The following FOXA3 variants were observed in gnomAD, a reference collection of about 807,000 sequenced individuals.
FOXA3 encodes the protein forkhead box A3.
Under a neutral mutation model 16.9 loss-of-function variants are expected in FOXA3, and 11 were observed. The observed-to-expected ratio is 0.65, with a 90% CI of 0.41 to 1.08. The LOEUF (loss-of-function observed/expected upper bound fraction) is 1.08, where lower values mean the gene tolerates loss of function less well. FOXA3 is among the 50% of genes least tolerant of loss of function. FOXA3 has a pLI of 0.00. For synonymous variants in FOXA3, 217 were observed against 203.3 expected (o/e 1.07, Z -0.57); for missense variants, 423 against 470.1 (o/e 0.90, Z 0.93).
intron 1 of FOXA3, among the ~76,000 whole-genome samples, chr19:45,866,081 C>A (rs1272744021): frequency 6.6e-6 from 1 of 151,884 alleles, no homozygotes; most frequent in African/African-American, 2.4e-5. Context: ...CTGAATAGAT[C>A]CAAGTTTAGG....
chr19:45,865,528 G>A (rs1321348715), intron 1 of FOXA3, among the ~76,000 whole-genome samples: 1 of 152,124 alleles, frequency 6.6e-6, no homozygotes, highest in East Asian at 1.9e-4. Flanking sequence ...CTTGGTCTGA[G>A]AATTATGGGG....
At chr19:45,867,508 G>A (rs933991108) in intron 1 of FOXA3, among the ~76,000 whole-genome samples, 10 of 151,936 alleles carry the variant, frequency 6.6e-5, no homozygotes, top group African/African-American at 2.4e-4. Flanking sequence ...GGCTCGTCAT[G>A]GTAGCTCATG....
rs755274644 is a variant in FOXA3, at chr19:45,872,945, A to C, written c.940A>C (p.Thr314Pro). Reference protein sequence around the residue: ...FSINNLMSEQTPAPPKLDVGF... With the variant: ...FSINNLMSEQPPAPPKLDVGF... ...CATCAACAACCTAATGTCAGAACAG[A>C]CACCAGCACCTCCCAAACTGGACGT... The change falls in exon 2 of 2, where the codon ACA (threonine) becomes CCA (proline). Residue 314 changes from threonine (T) to proline (P), a missense_variant. Coordinates refer to ENST00000302177, the MANE Select transcript of FOXA3 (RefSeq NM_004497.3). The surrounding 1 kb of genome is among the most constrained non-coding windows in gnomAD (Gnocchi z 4.5). 3.1e-6 allele frequency: 5 copies of C among 1,614,150 alleles called. No individual in the cohort carries two copies. In the Admixed American group the frequency reaches 5.0e-5, roughly 16 times the overall value.
At chr19:45,864,646 G>C (rs1321949770) in intron 1 of FOXA3, 121 bp downstream of exon 1, 2 of 707,408 alleles carry the variant, frequency 2.8e-6, no homozygotes, top group East Asian at 3.4e-5. Context: ...GGGCAGCTGA[G>C]GAACTGGGAA....
Position 45,873,334 on chromosome 19 carries a change from C to T in FOXA3, c.*276C>T. 1 of 511,866 alleles carries T rather than the reference C, an allele frequency of 2.0e-6. No homozygotes were observed. The highest frequency in any genetic ancestry group is 3.5e-6 in the Non-Finnish European group (1 of 285,876). The allele number at this position is 511,866 out of a possible 1,614,324, so 31.7% of individuals were successfully genotyped here. A position where few individuals can be genotyped will look rare whatever the true frequency, so the allele number is the denominator to read the frequency against. On this transcript the variant is annotated 3_prime_UTR_variant, in exon 2 of 2. Coordinates refer to ENST00000302177, the MANE Select transcript of FOXA3 (RefSeq NM_004497.3). Reference sequence around the variant, plus strand: ...ATCCACTGCATGGTTTGATGGCCACCATCTCGGTTGGCCCTTTGGGTGTGA... The same window carrying T: ...ATCCACTGCATGGTTTGATGGCCACTATCTCGGTTGGCCCTTTGGGTGTGA...
rs768096522 is a variant in FOXA3, at chr19:45,872,845, A to G, written c.840A>G (p.Thr280=). 5.0e-6 allele frequency: 8 copies of G among 1,613,402 alleles called. No individual in the cohort carries two copies. In the South Asian group the frequency reaches 7.7e-5, roughly 16 times the overall value. The change falls in exon 2 of 2, where the codon ACA becomes ACG. Residue 280 remains threonine, a synonymous_variant. Transcript: ENST00000302177. This position sits in a 1 kb window ranked among gnomAD's most constrained non-coding sequence, Gnocchi z 4.5. The part of the protein sequence containing the change: ...ALDCGSPASS[T]PYFTGLELPG... ...ACTGTGGCTCACCCGCTTCCTCCAC[A>G]CCCTATTTCACTGGCCTGGAGCTCC...
At position 45,873,039 on chromosome 19, in the gene FOXA3, CTT is replaced by C; in HGVS notation, c.1036_1037del (p.Leu346AlafsTer2). On this transcript the variant is annotated frameshift_variant, in exon 2 of 2. Transcript: ENST00000302177. LOFTEE classifies it high-confidence loss of function. ...TACTACCAGGGCCTCTATTCCCGCT[CTT>C]TGCTTAATGCATCCTAGCAGGGGTT... 2 of 1,601,282 alleles carry C rather than the reference CTT, an allele frequency of 1.2e-6. No individual in the cohort carries two copies. The highest frequency in any genetic ancestry group is 1.7e-6 in the Non-Finnish European group (2 of 1,173,524).
At chr19:45,870,172 CTT>C (rs61352328) in intron 1 of FOXA3, among the ~76,000 whole-genome samples, 465 of 130,020 alleles carry the variant, frequency 3.6e-3, no homozygotes, top group South Asian at 7.0e-3. Context: ...GTTATAATAA[CTT>C]TTTTTTTTTT....
At chr19:45,867,961 GGACTC>G in intron 1 of FOXA3, among the ~76,000 whole-genome samples, 1 of 150,706 alleles carries the variant, frequency 6.6e-6, no homozygotes. Flanking sequence ...AGATGGGAGA[GGACTC>G]GGGAGGGGTC....
intron 1 of FOXA3, among the ~76,000 whole-genome samples, chr19:45,869,589 G>T (rs923744890): frequency 1.3e-5 from 2 of 152,158 alleles, no homozygotes; most frequent in African/African-American, 4.8e-5. Flanking sequence ...AAAATGGGAT[G>T]CATTTTACAG....
rs377747464 is a variant in FOXA3 at position 45,870,921 on chromosome 19, T to C, written c.70-1154T>C. On this transcript the variant is annotated intron_variant, in intron 1 of 1. Transcript: ENST00000302177. The stretch of plus-strand genomic sequence containing the variant: ...CTGGGCAACATGGTGAATCCCCGTC[T>C]CTACTAAAAATACAAAAAAATTAGC... 3.3e-5 allele frequency among the ~76,000 whole-genome samples: 5 copies of C among 152,024 alleles called. No individual in the cohort carries two copies. In the East Asian group the frequency reaches 9.7e-4, roughly 29 times the overall value.
chr19:45,864,455 G>A lies in FOXA3; in HGVS notation c.-2G>A, dbSNP rs1354522523. ...GGGCGGGTGGGGGCGTAAGCCCGGG[G>A]GATGCTGGGCTCAGTGAAGATGGAG... On this transcript the variant is annotated 5_prime_UTR_variant, in exon 1 of 2. Coordinates refer to ENST00000302177, the MANE Select transcript of FOXA3 (RefSeq NM_004497.3). 9.5e-6 allele frequency: 14 copies of A among 1,479,074 alleles called. No individual in the cohort carries two copies. Among genetic ancestry groups the A allele is most frequent in the Non-Finnish European group, 1.2e-5 (13 of 1,104,968 alleles). The allele number at this position is 1,479,074 out of a possible 1,614,324, so 91.6% of individuals were successfully genotyped here. A position where few individuals can be genotyped will look rare whatever the true frequency, so the allele number is the denominator to read the frequency against.
At chr19:45,865,104 C>G (rs1248364621) in intron 1 of FOXA3, among the ~76,000 whole-genome samples, 1 of 151,974 alleles carries the variant, frequency 6.6e-6, no homozygotes. Flanking sequence ...AGAGATGAAG[C>G]TTCGTTTTTG....
intron 1 of FOXA3, among the ~76,000 whole-genome samples, chr19:45,869,342 C>T (rs754439631): frequency 6.6e-6 from 1 of 152,212 alleles, no homozygotes; most frequent in Non-Finnish European, 1.5e-5. Flanking sequence ...ACCCCAGCAA[C>T]CTCTCTGGGC....
rs1429682140 is a variant in FOXA3 at position 45,872,352 on chromosome 19, C to A, written c.347C>A (p.Ala116Asp). 6.2e-7 allele frequency: 1 copy of A among 1,614,096 alleles called. No individual in the cohort carries two copies. Among genetic ancestry groups the A allele is most frequent in the Non-Finnish European group, 8.5e-7 (1 of 1,180,038 alleles). The change falls in exon 2 of 2, where the codon GCC becomes GAC. Residue 116 changes from alanine to aspartate, a missense_variant. Ala to Asp is a moderately radical substitution (Grantham distance 126). Coordinates refer to ENST00000302177, the MANE Select transcript of FOXA3 (RefSeq NM_004497.3). This position sits in a 1 kb window ranked among gnomAD's most constrained non-coding sequence, Gnocchi z 4.5. The part of the protein sequence containing the change: ...PKGYRRPLAH[A>D]KPPYSYISLI... ...GGGTATCGGCGGCCCCTGGCACACG[C>A]CAAGCCACCGTATTCCTATATCTCA...
chr19:45,872,015 G>C lies in FOXA3; in HGVS notation c.70-60G>C, dbSNP rs1966908946. ...CAGACGGACACTCAGTGGGTCCTGG[G>C]ATCCTTTGCTGACCAGCAGAGTGGA... is the stretch of plus-strand genomic sequence containing the variant. On this transcript the variant is annotated intron_variant, in intron 1 of 1. Transcript: ENST00000302177. The surrounding 1 kb of genome is among the most constrained non-coding windows in gnomAD (Gnocchi z 4.5). The C allele has an allele frequency of 1.3e-6, 2 of 1,547,092 alleles. No homozygotes were observed. Among genetic ancestry groups the C allele is most frequent in the Non-Finnish European group, 1.8e-6 (2 of 1,130,402 alleles).
chr19:45,872,114 C>G lies in FOXA3; in HGVS notation c.109C>G (p.Leu37Val). ...GACCCCAGTGCCCACCATGGCCCCC[C>G]TCAACTCCTACATGACCCTGAATCC... ...PVTPVPTMAP[L>V]NSYMTLNPLS... Residue 37 changes from leucine (L) to valine (V), a missense_variant, in exon 2 of 2, where the codon CTC (leucine) becomes GTC (valine). This residue lies in a region of FOXA3 where 170 missense variants were observed against 153.9 expected (regional missense o/e 1.10). Coordinates refer to ENST00000302177, the MANE Select transcript of FOXA3 (RefSeq NM_004497.3). The surrounding 1 kb of genome is among the most constrained non-coding windows in gnomAD (Gnocchi z 4.5). 6.2e-7 allele frequency: 1 copy of G among 1,606,368 alleles called. No individual in the cohort carries two copies. The highest frequency in any genetic ancestry group is 1.7e-4 in the Middle Eastern group (1 of 6,014).
chr19:45,872,074 G>A lies in FOXA3; in HGVS notation c.70-1G>A, dbSNP rs764471778. The A allele has an allele frequency of 6.2e-7, 1 of 1,612,080 alleles. No individual in the cohort carries two copies. The highest frequency in any genetic ancestry group is 8.5e-7 in the Non-Finnish European group (1 of 1,178,924). On this transcript the variant is annotated splice_acceptor_variant, in intron 1 of 1. Coordinates refer to ENST00000302177, the MANE Select transcript of FOXA3 (RefSeq NM_004497.3). LOFTEE classifies it high-confidence loss of function. The surrounding 1 kb of genome is among the most constrained non-coding windows in gnomAD (Gnocchi z 4.5). ...GACCCCTCCTTTCATCTTTCCCCTAGGTCTACTCGCCGGTGACCCCAGTGC... is the reference window on the plus strand; with the variant it reads ...GACCCCTCCTTTCATCTTTCCCCTAAGTCTACTCGCCGGTGACCCCAGTGC...
rs1273027490 is a variant in FOXA3 at position 45,872,741 on chromosome 19, A to C, written c.736A>C (p.Thr246Pro). 2 of 1,603,520 alleles carry C rather than the reference A, an allele frequency of 1.2e-6. No individual in the cohort carries two copies. The highest frequency in any genetic ancestry group is 2.7e-5 in the African/African-American group (2 of 74,728). ...TGCCTCGACCACCACCCCCGCGGCCACAGTCACCTCCCCGCCCCAGCCCCC... is the reference window on the plus strand; with the variant it reads ...TGCCTCGACCACCACCCCCGCGGCCCCAGTCACCTCCCCGCCCCAGCCCCC... Reference protein sequence around the residue: ...SAASTTTPAATVTSPPQPPPP... With the variant: ...SAASTTTPAAPVTSPPQPPPP... Residue 246 changes from threonine (T) to proline (P), a missense_variant, in exon 2 of 2, where the codon ACA becomes CCA. This residue lies in a region of FOXA3 where 168 missense variants were observed against 179.3 expected (regional missense o/e 0.94). Coordinates refer to ENST00000302177, the MANE Select transcript of FOXA3 (RefSeq NM_004497.3). This position sits in a 1 kb window ranked among gnomAD's most constrained non-coding sequence, Gnocchi z 4.5.
Sources: gnomAD v4.1 joint callset for allele counts (sites outside exome capture counted in the v4.1 genomes callset) on GRCh38, gnomAD v4.1.1 for gene constraint, gnomAD v4.1.1 regional missense constraint, Gnocchi (gnomAD v3.1) non-coding constraint, MANE v1.5 for transcripts, NCBI Gene and HGNC (gene_info 2026-07-23, HGNC 2026-07-21) for gene names.